The following CHCHD4 variants were observed in gnomAD, a reference collection of about 807,000 sequenced individuals.
CHCHD4 encodes the protein mitochondrial intermembrane space import and assembly protein 40.
In CHCHD4, 7 loss-of-function variants were observed where a neutral mutation model predicts 12.4. The ratio of observed to expected loss-of-function variants is 0.57; its 90% CI spans 0.32 to 1.06. The LOEUF (loss-of-function observed/expected upper bound fraction) is 1.06. Among genes scored for constraint, CHCHD4 ranks in the 50% least tolerant of loss-of-function variants. The pLI is 0.04. For missense variants in CHCHD4, 143 were observed against 175.1 expected (o/e 0.82, Z 1.03); for synonymous variants, 56 against 58.0 (o/e 0.97, Z 0.16).
intron 1 of CHCHD4, 85 bp downstream of exon 1, chr3:14,124,542 ACCTGGGCCGCGCCTCAGGTGGCCCGCGC>A: frequency 1.1e-6 from 1 of 928,136 alleles, no homozygotes; most frequent in Non-Finnish European, 1.5e-6. Flanking sequence ...CAGGGTGGGC[ACCTGGGCCGCGCCTCAGGTGGCCCGCGC>A]CCGGCGTGGT....
At chr3:14,116,598 C>T in intron 1 of CHCHD4, 74 bp from the exon 2 acceptor site, 1 of 1,062,526 alleles carries the variant, frequency 9.4e-7, no homozygotes, top group Non-Finnish European at 1.5e-6. Context: ...AAAGCAGCCG[C>T]CACACAAACC....
rs752834803 is a variant in CHCHD4, at chr3:14,113,064, C to T, written c.252G>A (p.Gly84=). Residue 84 remains glycine (G), a synonymous_variant, in exon 3 of 3, where the codon GGG becomes GGA. Coordinates refer to ENST00000396914, the MANE Select transcript of CHCHD4 (RefSeq NM_001098502.2). ...CFHYSTEEIK[G]SDCVDQFRAM... ...CCCGGAACTGGTCTACACAGTCTGA[C>T]CCCTTGATCTCCTCCGTGCTATAGT... 7 of 1,614,074 alleles carry T rather than the reference C, an allele frequency of 4.3e-6. No individual in the cohort carries two copies. In the Middle Eastern group the frequency reaches 9.9e-4, roughly 228 times the overall value.
chr3:14,116,868 C>T (rs1050154756), intron 1 of CHCHD4, among the ~76,000 whole-genome samples: 1 of 152,210 alleles, frequency 6.6e-6, no homozygotes, highest in African/African-American at 2.4e-5. Flanking sequence ...ATAGCTGATG[C>T]GGCCACAGGC....
chr3:14,121,765 T>TTTATCAAA, intron 1 of CHCHD4: 3 of 1,382,666 alleles, frequency 2.2e-6, no homozygotes, highest in Non-Finnish European at 3.0e-6. Context: ...GTTTGATAAA[T>TTTATCAAA]CTGACTGCTA....
chr3:14,114,247 T>A (rs940139250), intron 2 of CHCHD4, among the ~76,000 whole-genome samples: 1 of 152,188 alleles, frequency 6.6e-6, no homozygotes, highest in African/African-American at 2.4e-5. Flanking sequence ...ACTTGTAAAA[T>A]GGGGACAGCA....
intron 2 of CHCHD4, among the ~76,000 whole-genome samples, chr3:14,114,520 A>G (rs1370472172): frequency 6.6e-6 from 1 of 152,046 alleles, no homozygotes; most frequent in Non-Finnish European, 1.5e-5. Context: ...CTTGAAATGG[A>G]CCTCAGTGCT....
At chr3:14,122,046 A>C (rs765816978) in intron 1 of CHCHD4, 1 of 1,609,912 alleles carries the variant, frequency 6.2e-7, no homozygotes, top group Non-Finnish European at 8.5e-7. Context: ...GGAGGGAAGG[A>C]GGGGAATAGA....
intron 1 of CHCHD4, among the ~76,000 whole-genome samples, chr3:14,123,294 C>T (rs1486137239): frequency 1.3e-5 from 2 of 152,076 alleles, no homozygotes; most frequent in Non-Finnish European, 1.5e-5. Context: ...TCATTATACC[C>T]AAAGGCTCAA....
intron 1 of CHCHD4, 91 bp from the exon 2 acceptor site, chr3:14,116,615 G>A: frequency 1.1e-6 from 1 of 895,362 alleles, no homozygotes; most frequent in South Asian, 1.3e-5. Context: ...AACCAAGTTT[G>A]AAGACTCTCC....
chr3:14,124,864 G>A lies in CHCHD4; in HGVS notation c.-188C>T. The A allele has an allele frequency of 3.0e-6, 2 of 675,582 alleles. No individual in the cohort carries two copies. The highest frequency in any genetic ancestry group is 2.7e-5 in the Admixed American group (1 of 37,248). The allele number at this position is 675,582 out of a possible 1,614,324, so 41.8% of individuals were successfully genotyped here. ...AACCGCGGCCAGGCCAACCTCAGCC[G>A]GAAACTACATTTCCCAGCAGGTCGC... On this transcript the variant is annotated 5_prime_UTR_variant, in exon 1 of 3. Coordinates refer to ENST00000396914, the MANE Select transcript of CHCHD4 (RefSeq NM_001098502.2).
intron 1 of CHCHD4, 67 bp downstream of exon 1, chr3:14,124,588 C>T: frequency 1.4e-6 from 2 of 1,403,906 alleles, no homozygotes; most frequent in Non-Finnish European, 1.9e-6. Flanking sequence ...GGTCGCGGGG[C>T]GCCGGGGCCC....
chr3:14,118,286 G>A (rs1217815372), intron 1 of CHCHD4, among the ~76,000 whole-genome samples: 1 of 152,198 alleles, frequency 6.6e-6, no homozygotes, highest in Non-Finnish European at 1.5e-5. Flanking sequence ...GCAGAAACGT[G>A]GCCCTGTGAA....
intron 2 of CHCHD4, among the ~76,000 whole-genome samples, chr3:14,115,907 C>T (rs1694871593): frequency 6.6e-6 from 1 of 152,142 alleles, no homozygotes; most frequent in African/African-American, 2.4e-5. Context: ...TAGGCCTAAG[C>T]GACCACTGTT....
intron 1 of CHCHD4, among the ~76,000 whole-genome samples, chr3:14,119,867 C>T (rs995508959): frequency 1.3e-5 from 2 of 152,108 alleles, no homozygotes; most frequent in Admixed American, 6.5e-5. Flanking sequence ...ACCTACCTCA[C>T]GTGGTTGGGG....
At chr3:14,122,116 T>G (rs1468834095) in intron 1 of CHCHD4, 1 of 1,546,872 alleles carries the variant, frequency 6.5e-7, no homozygotes, top group African/African-American at 1.4e-5. Context: ...TTTTAAGTAG[T>G]GTTCGCTCAC....
chr3:14,124,847 C>T lies in CHCHD4; in HGVS notation c.-171G>A. 1.4e-6 allele frequency: 1 copy of T among 734,164 alleles called. No individual in the cohort carries two copies. The highest frequency in any genetic ancestry group is 2.2e-6 in the Non-Finnish European group (1 of 457,050). 45.5% of individuals were successfully genotyped at this position (734,164 alleles called of 1,614,324 possible). On this transcript the variant is annotated 5_prime_UTR_variant, in exon 1 of 3. Transcript: ENST00000396914. The stretch of plus-strand genomic sequence containing the variant: ...TGCCTCGGCGCCCTCGCAACCGCGG[C>T]CAGGCCAACCTCAGCCGGAAACTAC...
intron 1 of CHCHD4, among the ~76,000 whole-genome samples, chr3:14,124,222 A>G (rs955123436): frequency 6.6e-6 from 1 of 152,144 alleles, no homozygotes; most frequent in African/African-American, 2.4e-5. Flanking sequence ...AGCACACGCT[A>G]CCCCGAGTGG....
At chr3:14,119,091 C>G (rs971885804) in intron 1 of CHCHD4, 3 of 152,496 alleles carry the variant, frequency 2.0e-5, no homozygotes, top group Non-Finnish European at 4.4e-5. Context: ...AAACACCAGC[C>G]TAGCACAATC....
At chr3:14,120,596 C>T (rs775008065) in intron 1 of CHCHD4, among the ~76,000 whole-genome samples, 7 of 152,198 alleles carry the variant, frequency 4.6e-5, no homozygotes, top group Non-Finnish European at 5.9e-5. Context: ...AAGTGCTTTT[C>T]GTCACCCAAC....
Sources: gnomAD v4.1 joint callset for allele counts (sites outside exome capture counted in the v4.1 genomes callset) on GRCh38, gnomAD v4.1.1 for gene constraint, MANE v1.5 for transcripts, NCBI Gene and HGNC (gene_info 2026-07-23, HGNC 2026-07-21) for gene names.